Variants in RHCE observed in about 807,000 individuals in gnomAD.
RHCE encodes the protein Rh blood group CcEe antigens.
Under a neutral mutation model 43.8 loss-of-function variants are expected in RHCE, and 22 were observed. That is an observed-to-expected ratio of 0.50 (90% confidence interval 0.36 to 0.72). The LOEUF is 0.72. Among genes scored for constraint, RHCE ranks in the 30% least tolerant of loss-of-function variants. The probability of loss-of-function intolerance (pLI) is 0.00; values close to 1 mark genes in which losing one functional copy is unlikely to be tolerated. For missense variants in RHCE, 385 were observed against 525.4 expected (o/e 0.73, Z 2.61); for synonymous variants, 156 against 210.7 (o/e 0.74, Z 2.25).
At chr1:25,370,368 T>G (rs1557596499) in intron 9 of RHCE, 99 bp downstream of exon 9, 10 of 1,044,038 alleles carry the variant, frequency 9.6e-6, no homozygotes, top group Non-Finnish European at 1.5e-5. Flanking sequence ...CATTTTTGTT[T>G]TTGTTTTACT....
intron 1 of RHCE, among the ~76,000 whole-genome samples, chr1:25,413,285 C>G: frequency 6.6e-6 from 1 of 152,168 alleles, no homozygotes; most frequent in Non-Finnish European, 1.5e-5. Flanking sequence ...CTTCTCCTCC[C>G]CCTGCCCCCT....
chr1:25,382,838 G>C (rs1019854567), intron 7 of RHCE, among the ~76,000 whole-genome samples: 1 of 152,150 alleles, frequency 6.6e-6, no homozygotes, highest in Admixed American at 6.5e-5. Flanking sequence ...CATGAATTTA[G>C]CCATACTGGC....
chr1:25,393,413 G>C (rs779660236), intron 3 of RHCE, among the ~76,000 whole-genome samples: 2 of 152,096 alleles, frequency 1.3e-5, no homozygotes, highest in African/African-American at 2.4e-5. Flanking sequence ...CTGAGGTCAG[G>C]AGTTCGATAC....
intron 2 of RHCE, chr1:25,428,916 G>C (rs2042825852): frequency 1.3e-5 from 2 of 152,526 alleles, no homozygotes; most frequent in East Asian, 3.8e-4. Context: ...ATCGGTTGCA[G>C]TGGATTTAAG....
At chr1:25,413,075 G>A (rs28580183) in intron 1 of RHCE, among the ~76,000 whole-genome samples, 2,201 of 152,144 alleles carry the variant, frequency 0.014, 49 homozygotes, top group African/African-American at 0.049. Context: ...GGGCTTTATC[G>A]GGCACAGCTG....
rs548544502 is a variant in RHCE at position 25,401,643 on chromosome 1, G to A, written c.486+953C>T. Among the ~76,000 whole-genome samples, 9 of 152,304 alleles carry A rather than the reference G, an allele frequency of 5.9e-5. No homozygotes were observed. The South Asian group carries it at 1.2e-3, about 21-fold the overall frequency. On this transcript the variant is annotated intron_variant, in intron 3 of 9. Coordinates refer to ENST00000294413, the MANE Select transcript of RHCE (RefSeq NM_020485.8). Reference sequence around the variant, plus strand: ...AGAGGACATGTGCAGTTACTGACACGCACTGACTGAAAGAAGATGCTGGCT... The same window carrying A: ...AGAGGACATGTGCAGTTACTGACACACACTGACTGAAAGAAGATGCTGGCT...
chr1:25,420,534 G>T, intron 1 of RHCE, 105 bp downstream of exon 1: 1 of 1,607,138 alleles, frequency 6.2e-7, no homozygotes. Flanking sequence ...TCTTTTCCTC[G>T]GGATTTTGTA....
chr1:25,414,559 C>T (rs1418304574), intron 1 of RHCE, among the ~76,000 whole-genome samples: 1 of 152,086 alleles, frequency 6.6e-6, no homozygotes, highest in African/African-American at 2.4e-5. Flanking sequence ...GTGGAAGGTG[C>T]CAGGGTTTGG....
At chr1:25,402,296 C>G (rs1016686155) in intron 3 of RHCE, among the ~76,000 whole-genome samples, 3 of 152,152 alleles carry the variant, frequency 2.0e-5, no homozygotes, top group African/African-American at 7.2e-5. Flanking sequence ...CCAGGTTCAT[C>G]TCTAACTCCT....
chr1:25,401,372 T>C (rs1371712085), intron 3 of RHCE, among the ~76,000 whole-genome samples: 1 of 152,154 alleles, frequency 6.6e-6, no homozygotes, highest in Non-Finnish European at 1.5e-5. Flanking sequence ...CCAAGTCCAG[T>C]GCACTTTCTT....
chr1:25,412,166 G>T (rs1178215420), intron 1 of RHCE, among the ~76,000 whole-genome samples: 1 of 152,242 alleles, frequency 6.6e-6, no homozygotes, highest in African/African-American at 2.4e-5. Flanking sequence ...CGGCAGCAGA[G>T]CGCAGCTCTG....
chr1:25,397,612 G>C lies in RHCE; in HGVS notation c.486+4984C>G, dbSNP rs151245076. On this transcript the variant is annotated intron_variant, in intron 3 of 9. Transcript: ENST00000294413. ...CATCACACTCTCCCTTTCTTGCTGC[G>C]GTCTCAGCCTCCTGGCCGCCCCTTG... Among the ~76,000 whole-genome samples the C allele has an allele frequency of 2.0e-5, 3 of 152,060 alleles. No individual in the cohort carries two copies. The East Asian group carries it at 5.8e-4, about 29-fold the overall frequency.
At chr1:25,369,154 A>G (rs1264897857) in intron 9 of RHCE, among the ~76,000 whole-genome samples, 1 of 151,796 alleles carries the variant, frequency 6.6e-6, no homozygotes, top group Non-Finnish European at 1.5e-5. Flanking sequence ...AAGGAAAAGA[A>G]GGGGCAGGGT....
intron 3 of RHCE, among the ~76,000 whole-genome samples, chr1:25,394,774 G>A (rs868762312): frequency 1.7e-4 from 26 of 152,232 alleles, no homozygotes; most frequent in South Asian, 6.2e-4. Flanking sequence ...ACTGAAAAGC[G>A]GGCTTGCGTT....
At chr1:25,396,751 G>C (rs1303514285) in intron 3 of RHCE, among the ~76,000 whole-genome samples, 3 of 152,196 alleles carry the variant, frequency 2.0e-5, no homozygotes, top group African/African-American at 7.2e-5. Context: ...ACAAGGTCCT[G>C]CCCTCAACAC....
At chr1:25,381,462 T>C (rs1445801009) in intron 7 of RHCE, among the ~76,000 whole-genome samples, 1 of 151,296 alleles carries the variant, frequency 6.6e-6, no homozygotes, top group African/African-American at 2.4e-5. Flanking sequence ...TTTTTCTTTT[T>C]TTTTTTTTTT....
In RHCE at chr1:25,406,633, T is replaced by G. The variant is rs1395303495; in HGVS notation, c.335+2050A>C. Among the ~76,000 whole-genome samples the G allele has an allele frequency of 3.3e-5, 3 of 91,084 alleles. 1 individual carries two copies. The highest frequency in any genetic ancestry group is 1.2e-4 in the Admixed American group (1 of 8,040). 59.8% of individuals were successfully genotyped at this position (91,084 alleles called of 152,430 possible). Reference sequence around the variant, plus strand: ...TGGCCTAAAACTGTTGTTTTTGGTTTTTTTTTTTTTGAGACAGAGTCTCGC... The same window carrying G: ...TGGCCTAAAACTGTTGTTTTTGGTTGTTTTTTTTTTGAGACAGAGTCTCGC... On this transcript the variant is annotated intron_variant, in intron 2 of 9. Coordinates refer to ENST00000294413, the MANE Select transcript of RHCE (RefSeq NM_020485.8).
At chr1:25,385,633 A>G (rs1646130602) in intron 7 of RHCE, 78 bp downstream of exon 7, 1 of 1,606,924 alleles carries the variant, frequency 6.2e-7, no homozygotes, top group Admixed American at 1.7e-5. Context: ...CACACGCCCC[A>G]GCTAAGGACT....
intron 1 of RHCE, among the ~76,000 whole-genome samples, chr1:25,417,492 A>G (rs1647649073): frequency 6.6e-6 from 1 of 152,232 alleles, no homozygotes; most frequent in Non-Finnish European, 1.5e-5. Context: ...GCTGTCAGTC[A>G]CATTCGAGAT....
Sources: gnomAD v4.1 joint callset for allele counts (sites outside exome capture counted in the v4.1 genomes callset) on GRCh38, gnomAD v4.1.1 for gene constraint, MANE v1.5 for transcripts, NCBI Gene and HGNC (gene_info 2026-07-23, HGNC 2026-07-21) for gene names.